The following TMTC1 variants were observed in gnomAD, a reference collection of about 807,000 sequenced individuals.
TMTC1 encodes the protein protein O-mannosyl-transferase TMTC1.
TMTC1 carries 73 observed loss-of-function variants against 104.8 expected under a neutral mutation model. The observed-to-expected ratio is 0.70, with a 90% CI of 0.58 to 0.85. The LOEUF (loss-of-function observed/expected upper bound fraction) is 0.85, where lower values mean the gene tolerates loss of function less well. Ranked by LOEUF, TMTC1 falls within the 40% of genes least tolerant of loss-of-function variation. The pLI is 0.00. For synonymous variants in TMTC1, 434 were observed against 428.7 expected, an observed-to-expected ratio of 1.01 and a Z score of -0.15; for missense variants, 1,035 against 1,096.1, an observed-to-expected ratio of 0.94 and a Z score of 0.79.
intron 5 of TMTC1, among the ~76,000 whole-genome samples, chr12:29,739,401 C>T (rs536657554): frequency 6.6e-6 from 1 of 152,304 alleles, no homozygotes; most frequent in African/African-American, 2.4e-5. Flanking sequence ...ATCATTGTCT[C>T]ATCTGTTAAG....
At chr12:29,600,030 A>G (rs1946523036) in intron 7 of TMTC1, among the ~76,000 whole-genome samples, 3 of 137,234 alleles carry the variant, frequency 2.2e-5, no homozygotes, top group Non-Finnish European at 4.5e-5. Context: ...TTTTCCCTCA[A>G]AAGAGCCTGG....
chr12:29,721,227 T>C (rs910134260), intron 5 of TMTC1, among the ~76,000 whole-genome samples: 1 of 152,030 alleles, frequency 6.6e-6, no homozygotes, highest in Non-Finnish European at 1.5e-5. Context: ...AAAAACAAGA[T>C]GGGAATAAAC....
At chr12:29,768,428 C>A (rs1354935090) in intron 1 of TMTC1, among the ~76,000 whole-genome samples, 1 of 152,200 alleles carries the variant, frequency 6.6e-6, no homozygotes, top group Non-Finnish European at 1.5e-5. Flanking sequence ...TCTTCCCAAG[C>A]AACTGAGTGT....
At chr12:29,767,835 C>G (rs182329426) in intron 2 of TMTC1, 63 bp downstream of exon 2, 9 of 1,409,900 alleles carry the variant, frequency 6.4e-6, no homozygotes, top group Non-Finnish European at 8.9e-6. Flanking sequence ...TGTGTATACA[C>G]GTATACACGT....
chr12:29,719,925 G>A (rs530734732), intron 5 of TMTC1, among the ~76,000 whole-genome samples: 14 of 152,216 alleles, frequency 9.2e-5, no homozygotes, highest in African/African-American at 3.1e-4. Context: ...ATCTGTTCCT[G>A]TGTCTAACTA....
At chr12:29,600,524 G>T (rs1360725845) in intron 7 of TMTC1, among the ~76,000 whole-genome samples, 2 of 152,140 alleles carry the variant, frequency 1.3e-5, no homozygotes, top group Non-Finnish European at 2.9e-5. Flanking sequence ...GGGCCAAAAG[G>T]AACATAGCTC....
At chr12:29,544,588 G>A (rs1944891624) in intron 10 of TMTC1, among the ~76,000 whole-genome samples, 1 of 152,208 alleles carries the variant, frequency 6.6e-6, no homozygotes. Flanking sequence ...TGGAACACCT[G>A]CCCCACTGTG....
At chr12:29,755,502 T>A in intron 4 of TMTC1, among the ~76,000 whole-genome samples, 1 of 152,250 alleles carries the variant, frequency 6.6e-6, no homozygotes, top group East Asian at 1.9e-4. Flanking sequence ...TTCATAGTCC[T>A]CACTGATTTA....
At chr12:29,657,684 CAAAGAA>C (rs758892598) in intron 5 of TMTC1, among the ~76,000 whole-genome samples, 26 of 151,874 alleles carry the variant, frequency 1.7e-4, no homozygotes, top group Non-Finnish European at 2.9e-4. Flanking sequence ...GAAATAAAGA[CAAAGAA>C]AGAGAAGAAA....
intron 5 of TMTC1, among the ~76,000 whole-genome samples, chr12:29,684,794 C>CCA (rs368177914): frequency 6.6e-6 from 1 of 151,438 alleles, no homozygotes; most frequent in Admixed American, 6.6e-5. Context: ...CCCTCTCCGG[C>CCA]CACACACACA....
chr12:29,574,473 T>C (rs1459421314), intron 8 of TMTC1, among the ~76,000 whole-genome samples: 1 of 152,236 alleles, frequency 6.6e-6, no homozygotes, highest in Non-Finnish European at 1.5e-5. Flanking sequence ...CATCTCAGGC[T>C]GCCATAACAA....
rs201029987 is a variant in TMTC1, at chr12:29,660,843, C to A, written c.939-27507G>T. 2.6e-3 allele frequency: 3,940 copies of A among 1,501,262 alleles called. 12 individuals carry two copies. Among genetic ancestry groups the A allele is most frequent in the Non-Finnish European group, 3.3e-3 (3,720 of 1,127,332 alleles). 93.0% of individuals were successfully genotyped at this position (1,501,262 alleles called of 1,614,324 possible). A position where few individuals can be genotyped will look rare whatever the true frequency, so the allele number is the denominator to read the frequency against. The stretch of plus-strand genomic sequence containing the variant: ...AAATGGCCCTTTTTAAAAATGGTCT[C>A]ATGGTAAGCAGGAAATTTCTATTGC... On this transcript the variant is annotated intron_variant, in intron 5 of 17. Transcript: ENST00000539277.
chr12:29,701,180 C>T (rs1049902479), intron 5 of TMTC1, among the ~76,000 whole-genome samples: 2 of 152,036 alleles, frequency 1.3e-5, no homozygotes, highest in Non-Finnish European at 2.9e-5. Context: ...CAAGTAAATT[C>T]AGAAGATTGA....
intron 5 of TMTC1, among the ~76,000 whole-genome samples, chr12:29,743,683 A>C (rs1446645055): frequency 6.6e-6 from 1 of 152,184 alleles, no homozygotes; most frequent in Non-Finnish European, 1.5e-5. Context: ...CTAGCATAGA[A>C]TAATGTTCTC....
chr12:29,628,495 G>C (rs1273046944), intron 6 of TMTC1, among the ~76,000 whole-genome samples: 1 of 152,168 alleles, frequency 6.6e-6, no homozygotes, highest in African/African-American at 2.4e-5. Context: ...CATGATGAAA[G>C]AGCAGGTTGG....
At position 29,701,202 on chromosome 12, in the gene TMTC1, T is replaced by A. The variant is rs932250307; in HGVS notation, c.938+50464A>T. 7.9e-4 allele frequency among the ~76,000 whole-genome samples: 120 copies of A among 152,248 alleles called. 1 individual carries two copies. Among genetic ancestry groups the A allele is most frequent in the Non-Finnish European group, 2.8e-4 (19 of 68,020 alleles). ...ATTCAGAAGATTGAGTAGAGCTCCA[T>A]GGGAATCCACTCAAAGAGAACAGGG... On this transcript the variant is annotated intron_variant, in intron 5 of 17. Transcript: ENST00000539277.
At chr12:29,611,183 T>TTTTC (rs771796771) in intron 6 of TMTC1, among the ~76,000 whole-genome samples, 335 of 151,674 alleles carry the variant, frequency 2.2e-3, no homozygotes, top group Non-Finnish European at 3.4e-3. Context: ...ACTTCTTTTT[T>TTTTC]TTTTTTTTTT....
At chr12:29,752,693 A>G (rs906940092) in intron 4 of TMTC1, among the ~76,000 whole-genome samples, 2 of 152,170 alleles carry the variant, frequency 1.3e-5, no homozygotes, top group Admixed American at 1.3e-4. Flanking sequence ...ATATATCAAC[A>G]CTGATATATC....
intron 1 of TMTC1, among the ~76,000 whole-genome samples, chr12:29,776,322 A>G (rs765686283): frequency 2.0e-5 from 3 of 152,214 alleles, no homozygotes; most frequent in Non-Finnish European, 2.9e-5. Flanking sequence ...AGAAATTCAA[A>G]GTCATCCCTT....
Sources: allele counts gnomAD v4.1 joint callset (sites outside exome capture counted in the v4.1 genomes callset), GRCh38; gene constraint gnomAD v4.1.1; transcripts MANE v1.5; gene names NCBI Gene and HGNC (gene_info 2026-07-23, HGNC 2026-07-21).